The following GPRC5D variants were observed in gnomAD, a reference collection of about 807,000 sequenced individuals.
The protein encoded by GPRC5D is G protein-coupled receptor family C group 5 member D.
GPRC5D carries 20 observed loss-of-function variants against 29.3 expected under a neutral mutation model. That is an observed-to-expected ratio of 0.68 (90% confidence interval 0.48 to 0.99). The LOEUF is 0.99. Ranked by LOEUF, GPRC5D falls within the 50% of genes least tolerant of loss-of-function variation. GPRC5D has a pLI of 0.00. For missense variants in GPRC5D, 384 were observed against 423.6 expected (o/e 0.91, Z 0.82); for synonymous variants, 178 against 171.3 (o/e 1.04, Z -0.30).
intron 1 of GPRC5D, among the ~76,000 whole-genome samples, chr12:12,947,731 A>G (rs1006978714): frequency 6.6e-6 from 1 of 151,976 alleles, no homozygotes; most frequent in Non-Finnish European, 1.5e-5. Context: ...TGCCCAGCTA[A>G]TTTTTTGTAG....
At position 12,945,500 on chromosome 12, in the gene GPRC5D, A is replaced by T. The variant is rs563399376; in HGVS notation, c.896-3172T>A. ...CTCAATTAAAAGACCTACTGATTTT[A>T]TTCTATTTATTTATTTTGAAGGTTA... is the stretch of plus-strand genomic sequence containing the variant. On this transcript the variant is annotated intron_variant, in intron 1 of 2. Transcript: ENST00000228887. 6.6e-5 allele frequency among the ~76,000 whole-genome samples: 10 copies of T among 152,312 alleles called. No individual in the cohort carries two copies. In the South Asian group the frequency reaches 1.4e-3, roughly 22 times the overall value.
intron 1 of GPRC5D, among the ~76,000 whole-genome samples, chr12:12,944,820 TCCTTCCTTCC>T (rs1863244106): frequency 7.1e-5 from 1 of 13,992 alleles, no homozygotes; most frequent in African/African-American, 1.4e-4. Flanking sequence ...CTTCCTTCCT[TCCTTCCTTCC>T]TTCCTTCCTT....
intron 1 of GPRC5D, chr12:12,944,564 G>T (rs1408147112): frequency 1.3e-5 from 2 of 151,772 alleles, no homozygotes; most frequent in Admixed American, 1.3e-4. Context: ...CAACCAGAAG[G>T]GCTTATGTTT....
At chr12:12,944,820 TCC>T (rs1863244016) in intron 1 of GPRC5D, among the ~76,000 whole-genome samples, 1 of 14,008 alleles carries the variant, frequency 7.1e-5, no homozygotes, top group African/African-American at 1.4e-4. Flanking sequence ...CTTCCTTCCT[TCC>T]TTCCTTCCTT....
At chr12:12,950,321 A>G in exon 1 of GPRC5D, 2 of 1,612,638 alleles carry the variant, frequency 1.2e-6, no homozygotes, top group Non-Finnish European at 1.7e-6. Flanking sequence ...ATGATGCCCC[A>G]TGGCCCCTCG....
At chr12:12,950,549 G>A (rs1863469233), upstream of GPRC5D, 1 of 597,838 alleles carries the variant, frequency 1.7e-6, no homozygotes, top group Non-Finnish European at 3.0e-6. Context: ...GCTCACTCCT[G>A]TTATCCCAGC....
intron 2 of GPRC5D, among the ~76,000 whole-genome samples, chr12:12,941,680 A>G (rs1372221572): frequency 6.6e-6 from 1 of 152,226 alleles, no homozygotes. Context: ...TCAAGTCTTC[A>G]CAGCCCAAAT....
At chr12:12,942,430 T>A in intron 1 of GPRC5D, 102 bp from the exon 3 acceptor site, 1 of 762,056 alleles carries the variant, frequency 1.3e-6, no homozygotes, top group Non-Finnish European at 2.3e-6. Context: ...AACAGGCTCT[T>A]CACTCTTTAA....
rs1207055418 is a variant in GPRC5D, at chr12:12,944,879, T to C, written c.896-2551A>G. ...TTTCTTTCTTTCTTTCTTTCTTTCT[T>C]TCTTTCTTTCTTTCTTTCTTTCTTT... is the stretch of plus-strand genomic sequence containing the variant. On this transcript the variant is annotated intron_variant, in intron 1 of 2. Coordinates refer to ENST00000228887, the Ensembl canonical transcript of GPRC5D. 1.6e-5 allele frequency among the ~76,000 whole-genome samples: 2 copies of C among 125,854 alleles called. 1 individual carries two copies. The highest frequency in any genetic ancestry group is 3.4e-5 in the Non-Finnish European group (2 of 58,848). The allele number at this position is 125,854 out of a possible 152,430, so 82.6% of individuals were successfully genotyped here.
At chr12:12,950,383 A>C (rs1291464373) in exon 1 of GPRC5D, 1 of 1,593,588 alleles carries the variant, frequency 6.3e-7, no homozygotes, top group East Asian at 2.2e-5. Context: ...GTCCTTGTAC[A>C]TGGTGACTTA....
chr12:12,944,826 C>CT lies in GPRC5D; in HGVS notation c.896-2499dup, dbSNP rs1420301027. On this transcript the variant is annotated intron_variant, in intron 1 of 2. Coordinates refer to ENST00000228887, the Ensembl canonical transcript of GPRC5D. The stretch of plus-strand genomic sequence containing the variant: ...CCTTCCTTCCTTCCTTCCTTCCTTC[C>CT]TTCCTTCCTTCCTTCCTTCCTTCCT... 2.1e-3 allele frequency among the ~76,000 whole-genome samples: 36 copies of CT among 17,124 alleles called. 2 individuals carry two copies. Among genetic ancestry groups the CT allele is most frequent in the Admixed American group, 4.1e-3 (5 of 1,228 alleles). 11.2% of individuals were successfully genotyped at this position (17,124 alleles called of 152,430 possible).
At chr12:12,950,040 C>T in exon 1 of GPRC5D, 1 of 1,614,036 alleles carries the variant, frequency 6.2e-7, no homozygotes, top group Admixed American at 1.7e-5. Context: ...GAACCAGCTT[C>T]ACTAGATTGG....
chr12:12,946,330 T>C (rs1439744380), intron 1 of GPRC5D, among the ~76,000 whole-genome samples: 1 of 149,146 alleles, frequency 6.7e-6, no homozygotes, highest in Non-Finnish European at 1.5e-5. Flanking sequence ...TCTTTCTTTC[T>C]TTCTTTCTTT....
At position 12,946,428 on chromosome 12, in the gene GPRC5D, T is replaced by C. The variant is rs201114942; in HGVS notation, c.895+3062A>G. 2.2e-3 allele frequency among the ~76,000 whole-genome samples: 120 copies of C among 54,716 alleles called. 2 individuals carry two copies. Among genetic ancestry groups the C allele is most frequent in the African/African-American group, 3.9e-3 (106 of 27,524 alleles). 35.9% of individuals were successfully genotyped at this position (54,716 alleles called of 152,430 possible). A position where few individuals can be genotyped will look rare whatever the true frequency, so the allele number is the denominator to read the frequency against. ...CTTCTCTCTCTTTCTCTCTCTCTCTTTCTCTCTTTCTCTCTCTCTCTCTCT... is the reference window on the plus strand; with the variant it reads ...CTTCTCTCTCTTTCTCTCTCTCTCTCTCTCTCTTTCTCTCTCTCTCTCTCT... On this transcript the variant is annotated intron_variant, in intron 1 of 2. Coordinates refer to ENST00000228887, the Ensembl canonical transcript of GPRC5D.
intron 1 of GPRC5D, among the ~76,000 whole-genome samples, chr12:12,946,434 CTTT>C (rs1863346929): frequency 2.1e-5 from 1 of 46,894 alleles, no homozygotes. Flanking sequence ...CTCTTTCTCT[CTTT>C]CTCTCTCTCT....
chr12:12,942,354 G>T, intron 1 of GPRC5D, 26 bp from the exon 3 acceptor site: 1 of 1,540,396 alleles, frequency 6.5e-7, no homozygotes, highest in South Asian at 1.1e-5. Flanking sequence ...GGGAAGGGCT[G>T]GGTTAGTGTC....
chr12:12,941,758 A>G (rs760167936), intron 2 of GPRC5D, among the ~76,000 whole-genome samples: 2 of 152,210 alleles, frequency 1.3e-5, no homozygotes, highest in African/African-American at 2.4e-5. Context: ...AAATTTGTTC[A>G]TCCATCTGGG....
chr12:12,950,926 G>A (rs1863480477), upstream of GPRC5D, among the ~76,000 whole-genome samples: 1 of 152,008 alleles, frequency 6.6e-6, no homozygotes, highest in Admixed American at 6.6e-5. Flanking sequence ...CCAACATGGT[G>A]AAACCCCATC....
chr12:12,948,149 A>G (rs1284919864), intron 1 of GPRC5D: 1 of 151,976 alleles, frequency 6.6e-6, no homozygotes. Context: ...AAACTCTAAG[A>G]ATTTTTTTTT....
Sources: gnomAD v4.1 joint callset for allele counts (sites outside exome capture counted in the v4.1 genomes callset) on GRCh38, gnomAD v4.1.1 for gene constraint, MANE v1.5 for transcripts, NCBI Gene and HGNC (gene_info 2026-07-23, HGNC 2026-07-21) for gene names.